The following GRIN2B variants were observed in gnomAD, a reference collection of about 807,000 sequenced individuals.
GRIN2B encodes the protein glutamate receptor ionotropic, NMDA 2B.
A neutral mutation model predicts 114.5 loss-of-function variants in GRIN2B; 5 were observed. That is an observed-to-expected ratio of 0.04 (90% CI 0.02 to 0.09). The LOEUF (loss-of-function observed/expected upper bound fraction) is 0.09. Among genes scored for constraint, GRIN2B ranks in the 10% least tolerant of loss-of-function variants. The pLI is 1.00. For missense variants in GRIN2B, 1,108 were observed against 1,943.5 expected (o/e 0.57, Z 8.08); for synonymous variants, 787 against 745.1 (o/e 1.06, Z -0.92).
chr12:13,690,875 G>A (rs114939175), intron 4 of GRIN2B, among the ~76,000 whole-genome samples: 1,838 of 152,186 alleles, frequency 0.012, 36 homozygotes, highest in African/African-American at 0.042. Flanking sequence ...ATTAATATGT[G>A]AATATTCTTT....
chr12:13,915,140 G>C (rs1329308980), intron 2 of GRIN2B, among the ~76,000 whole-genome samples: 1 of 152,144 alleles, frequency 6.6e-6, no homozygotes, highest in East Asian at 1.9e-4. Flanking sequence ...TGCATTATAT[G>C]AATGTATCAA....
chr12:13,811,010 T>C (rs1340709293), intron 3 of GRIN2B, among the ~76,000 whole-genome samples: 5 of 152,250 alleles, frequency 3.3e-5, no homozygotes, highest in East Asian at 1.9e-4. Flanking sequence ...ACATGTCACA[T>C]TGAGAAAGAT....
chr12:13,753,514 C>A lies in GRIN2B; in HGVS notation c.813G>T (p.Ala271=). ...CAGAGATGAGCCCAGTGGGGAACTC[C>A]GCAGGCACTGTGTCTGTATCCCCTG... The part of the protein sequence containing the change: ...LVAGDTDTVP[A]EFPTGLISVS... The change falls in exon 4 of 14, where the codon GCG becomes GCT. Residue 271 remains alanine, a synonymous_variant. Coordinates refer to ENST00000609686, the MANE Select transcript of GRIN2B (RefSeq NM_000834.5). This position sits in a 1 kb window ranked among gnomAD's most constrained non-coding sequence, Gnocchi z 6.2. 1 of 1,614,132 alleles carries A rather than the reference C, an allele frequency of 6.2e-7. No individual in the cohort carries two copies. Among genetic ancestry groups the A allele is most frequent in the Non-Finnish European group, 8.5e-7 (1 of 1,180,032 alleles).
intron 2 of GRIN2B, among the ~76,000 whole-genome samples, chr12:13,904,201 CTCT>C (rs1052989542): frequency 1.4e-4 from 16 of 111,078 alleles, no homozygotes; most frequent in Admixed American, 3.9e-4. Flanking sequence ...TCCACACCTC[CTCT>C]GTTTCTTCTT....
At chr12:13,566,541 G>T (rs921503911) in intron 13 of GRIN2B, among the ~76,000 whole-genome samples, 1 of 152,126 alleles carries the variant, frequency 6.6e-6, no homozygotes, top group African/African-American at 2.4e-5. Flanking sequence ...ATTTCTAAAG[G>T]TTCTGTTAAG....
chr12:13,916,197 T>C (rs1204739794), intron 2 of GRIN2B, among the ~76,000 whole-genome samples: 3 of 152,166 alleles, frequency 2.0e-5, no homozygotes, highest in Non-Finnish European at 4.4e-5. Context: ...CAGTCAAAAA[T>C]TCCACAAGAA....
intron 2 of GRIN2B, among the ~76,000 whole-genome samples, chr12:13,970,076 C>G (rs1867850273): frequency 6.6e-6 from 1 of 152,200 alleles, no homozygotes; most frequent in Non-Finnish European, 1.5e-5. Context: ...TGGTCTCGAA[C>G]TCCTGACCTC....
intron 2 of GRIN2B, among the ~76,000 whole-genome samples, chr12:13,884,102 T>G (rs1480174163): frequency 6.6e-6 from 1 of 152,216 alleles, no homozygotes; most frequent in African/African-American, 2.4e-5. Context: ...AAAAATCTAC[T>G]TGTGGACTCT....
At chr12:13,601,110 T>C (rs1281867538) in intron 10 of GRIN2B, among the ~76,000 whole-genome samples, 1 of 152,190 alleles carries the variant, frequency 6.6e-6, no homozygotes, top group African/African-American at 2.4e-5. Flanking sequence ...AAGGATGCAA[T>C]GAGCTCAAAG....
At chr12:13,719,228 C>T (rs1217481649) in intron 4 of GRIN2B, among the ~76,000 whole-genome samples, 1 of 152,100 alleles carries the variant, frequency 6.6e-6, no homozygotes, top group Non-Finnish European at 1.5e-5. Context: ...GAGCCACTTG[C>T]TCCTGGAATC....
intron 4 of GRIN2B, among the ~76,000 whole-genome samples, chr12:13,749,152 CT>C (rs1297248293): frequency 6.6e-6 from 1 of 152,194 alleles, no homozygotes; most frequent in African/African-American, 2.4e-5. Flanking sequence ...AGGATCCTCC[CT>C]GAGAAGGATT....
intron 4 of GRIN2B, among the ~76,000 whole-genome samples, chr12:13,689,568 C>G (rs932922482): frequency 8.5e-5 from 13 of 152,148 alleles, no homozygotes; most frequent in African/African-American, 3.1e-4. Context: ...CAGATACTTG[C>G]AACAGCCTCC....
intron 5 of GRIN2B, among the ~76,000 whole-genome samples, chr12:13,629,319 A>T (rs1164926515): frequency 6.6e-6 from 1 of 152,216 alleles, no homozygotes; most frequent in African/African-American, 2.4e-5. Context: ...AGGTCATTGC[A>T]TCTCTCACGG....
intron 2 of GRIN2B, among the ~76,000 whole-genome samples, chr12:13,979,528 G>GAA (rs201870750): frequency 0.086 from 8,774 of 101,638 alleles, 322 homozygotes; most frequent in African/African-American, 0.1. Flanking sequence ...AAGCCAACCT[G>GAA]AAAAAAAAAA....
chr12:13,687,382 C>T (rs1176572415), intron 4 of GRIN2B, among the ~76,000 whole-genome samples: 4 of 152,088 alleles, frequency 2.6e-5, no homozygotes, highest in Non-Finnish European at 5.9e-5. Flanking sequence ...AGTCATCTCT[C>T]CATTTTTTCT....
chr12:13,941,714 C>T (rs796441199), intron 2 of GRIN2B, among the ~76,000 whole-genome samples: 6 of 152,324 alleles, frequency 3.9e-5, no homozygotes, highest in African/African-American at 1.4e-4. Flanking sequence ...ACCATCACTG[C>T]AGATTTCCAG....
At chr12:13,729,740 G>T (rs1038875167) in intron 4 of GRIN2B, among the ~76,000 whole-genome samples, 1 of 149,078 alleles carries the variant, frequency 6.7e-6, no homozygotes, top group East Asian at 2.0e-4. Flanking sequence ...TTTTGCTGCC[G>T]AAAGGAAATA....
chr12:13,666,523 T>C (rs1234929440), intron 5 of GRIN2B, among the ~76,000 whole-genome samples: 1 of 152,178 alleles, frequency 6.6e-6, no homozygotes, highest in Non-Finnish European at 1.5e-5. Context: ...ATGGCTGCTG[T>C]GGGAAATTTA....
chr12:13,572,233 CTATGTTCCTTT>C (rs1419370646), intron 10 of GRIN2B, among the ~76,000 whole-genome samples: 3 of 152,158 alleles, frequency 2.0e-5, no homozygotes, highest in African/African-American at 4.8e-5. Flanking sequence ...TATAACCCTT[CTATGTTCCTTT>C]TATGTACACT....
Sources: allele counts gnomAD v4.1 joint callset (sites outside exome capture counted in the v4.1 genomes callset), GRCh38; gene constraint gnomAD v4.1.1; non-coding constraint Gnocchi (gnomAD v3.1); transcripts MANE v1.5; gene names NCBI Gene and HGNC (gene_info 2026-07-23, HGNC 2026-07-21).